The following OXR1 variants were observed in gnomAD, a reference collection of about 807,000 sequenced individuals.
OXR1 encodes oxidation resistance protein 1.
OXR1 carries 41 observed loss-of-function variants against 104.6 expected under a neutral mutation model. The observed-to-expected ratio is 0.39, with a 90% confidence interval of 0.31 to 0.51. The LOEUF is 0.51. Among genes scored for constraint, OXR1 ranks in the 20% least tolerant of loss-of-function variants. OXR1 has a pLI of 0.77. For missense variants in OXR1, 955 were observed against 1,031.9 expected (o/e 0.93, Z 1.02); for synonymous variants, 348 against 348.4 (o/e 1.00, Z 0.01).
rs376097009 is a variant in OXR1 at position 106,317,641 on chromosome 8, G to C, written c.-138-41835G>C. On this transcript the variant is annotated intron_variant, in intron 1 of 16. Coordinates refer to ENST00000517566, the MANE Select transcript of OXR1 (RefSeq NM_001198533.2). Reference sequence around the variant, plus strand: ...GATCAAGGTGCTCAAAAACAGGGGGGCCCCTCTCCCATTACACAGCACAGT... The same window carrying C: ...GATCAAGGTGCTCAAAAACAGGGGGCCCCCTCTCCCATTACACAGCACAGT... Among the ~76,000 whole-genome samples, 511 of 152,128 alleles carry C rather than the reference G, an allele frequency of 3.4e-3. 3 individuals are homozygous for C. The highest frequency in any genetic ancestry group is 0.012 in the African/African-American group (493 of 41,514).
intron 3 of OXR1, among the ~76,000 whole-genome samples, chr8:106,559,482 T>G (rs1816520858): frequency 6.6e-6 from 1 of 152,208 alleles, no homozygotes; most frequent in Non-Finnish European, 1.5e-5. Context: ...TTTTAGGTAT[T>G]TGTTACAGTA....
intron 1 of OXR1, among the ~76,000 whole-genome samples, chr8:106,347,510 T>A (rs548946122): frequency 6.6e-6 from 1 of 152,318 alleles, no homozygotes; most frequent in African/African-American, 2.4e-5. Flanking sequence ...CTTTATAACA[T>A]AGCAATTCAA....
chr8:106,725,164 G>A (rs1269608563), intron 11 of OXR1, among the ~76,000 whole-genome samples: 3 of 152,104 alleles, frequency 2.0e-5, no homozygotes, highest in South Asian at 2.1e-4. Flanking sequence ...GAGGAATAGG[G>A]GAAATGGTTG....
chr8:106,562,658 C>G (rs537754311), intron 3 of OXR1, among the ~76,000 whole-genome samples: 1 of 152,158 alleles, frequency 6.6e-6, no homozygotes, highest in African/African-American at 2.4e-5. Flanking sequence ...AACCCCAAGA[C>G]AAATAATTGT....
chr8:106,611,870 A>G (rs191409586), intron 3 of OXR1, among the ~76,000 whole-genome samples: 20 of 152,340 alleles, frequency 1.3e-4, no homozygotes, highest in Admixed American at 7.8e-4. Flanking sequence ...TTTTCGGCAC[A>G]GTGGCCTAAA....
intron 2 of OXR1, among the ~76,000 whole-genome samples, chr8:106,415,815 C>A (rs1352787318): frequency 6.6e-6 from 1 of 151,962 alleles, no homozygotes; most frequent in Non-Finnish European, 1.5e-5. Flanking sequence ...CTTCCTTTTT[C>A]CTTTTAACTA....
intron 1 of OXR1, among the ~76,000 whole-genome samples, chr8:106,338,565 A>G (rs1300665529): frequency 1.4e-5 from 2 of 139,248 alleles, no homozygotes; most frequent in African/African-American, 2.6e-5. Flanking sequence ...TCTGTCTCAG[A>G]AAAAAAAAAA....
intron 2 of OXR1, among the ~76,000 whole-genome samples, chr8:106,446,344 G>T (rs1239017674): frequency 6.6e-6 from 1 of 152,170 alleles, no homozygotes; most frequent in African/African-American, 2.4e-5. Flanking sequence ...TTGAGGCCGG[G>T]TGCCGTGGCT....
intron 3 of OXR1, among the ~76,000 whole-genome samples, chr8:106,546,313 C>G (rs1257732481): frequency 1.3e-5 from 2 of 152,324 alleles, no homozygotes; most frequent in Non-Finnish European, 2.9e-5. Context: ...AAACTGTGCT[C>G]ACTTTGGGGA....
intron 2 of OXR1, among the ~76,000 whole-genome samples, chr8:106,406,307 A>C (rs550509873): frequency 6.6e-6 from 1 of 152,268 alleles, no homozygotes; most frequent in East Asian, 1.9e-4. Context: ...CTTATTTTTT[A>C]ATTAAAAAAT....
chr8:106,720,396 G>T (rs1474659316), intron 11 of OXR1, among the ~76,000 whole-genome samples: 1 of 152,038 alleles, frequency 6.6e-6, no homozygotes, highest in East Asian at 1.9e-4. Context: ...ACAACTTCAG[G>T]TGTTGTGTTA....
At chr8:106,733,247 T>G (rs976101289) in intron 11 of OXR1, among the ~76,000 whole-genome samples, 1 of 152,140 alleles carries the variant, frequency 6.6e-6, no homozygotes, top group Non-Finnish European at 1.5e-5. Context: ...TTATCTAGAT[T>G]ATCAAATTAG....
At position 106,597,808 on chromosome 8, in the gene OXR1, G is replaced by A. The variant is rs571091143; in HGVS notation, c.220+78669G>A. Among the ~76,000 whole-genome samples, 215 of 152,182 alleles carry A rather than the reference G, an allele frequency of 1.4e-3. 2 individuals carry two copies. Among genetic ancestry groups the A allele is most frequent in the African/African-American group, 4.8e-3 (198 of 41,530 alleles). ...GATCACTATTCACAAGGCCCTTCACGATCTGGCTTCTGCTTCATTTCCACA... is the reference window on the plus strand; with the variant it reads ...GATCACTATTCACAAGGCCCTTCACAATCTGGCTTCTGCTTCATTTCCACA... On this transcript the variant is annotated intron_variant, in intron 3 of 16. Coordinates refer to ENST00000517566, the MANE Select transcript of OXR1 (RefSeq NM_001198533.2).
chr8:106,615,159 G>C (rs1346376099), intron 3 of OXR1, among the ~76,000 whole-genome samples: 1 of 152,020 alleles, frequency 6.6e-6, no homozygotes, highest in Admixed American at 6.6e-5. Flanking sequence ...GCCAGGCGCG[G>C]TGGCTCGTGC....
At chr8:106,619,809 C>T (rs1179294636) in intron 3 of OXR1, among the ~76,000 whole-genome samples, 2 of 152,186 alleles carry the variant, frequency 1.3e-5, no homozygotes, top group East Asian at 1.9e-4. Context: ...GGAGATTTGG[C>T]GTGAGCAGGA....
intron 2 of OXR1, among the ~76,000 whole-genome samples, chr8:106,482,780 G>T (rs1223420363): frequency 6.6e-6 from 1 of 151,832 alleles, no homozygotes; most frequent in African/African-American, 2.4e-5. Flanking sequence ...ATTAAGTATG[G>T]ACCATCTGTT....
chr8:106,469,557 TTAG>T (rs1477830466), intron 2 of OXR1, among the ~76,000 whole-genome samples: 1 of 151,824 alleles, frequency 6.6e-6, no homozygotes, highest in Non-Finnish European at 1.5e-5. Flanking sequence ...GTGTTGGCTG[TTAG>T]TAGACTTGAA....
chr8:106,418,152 A>C (rs1280481347), intron 2 of OXR1, among the ~76,000 whole-genome samples: 3 of 152,170 alleles, frequency 2.0e-5, no homozygotes, highest in African/African-American at 7.2e-5. Flanking sequence ...AAGACATTAA[A>C]TCACTGAAGA....
chr8:106,290,011 C>T (rs1355240843), intron 1 of OXR1, among the ~76,000 whole-genome samples: 1 of 152,128 alleles, frequency 6.6e-6, no homozygotes, highest in Non-Finnish European at 1.5e-5. Context: ...GAGGCCTTCC[C>T]AGCCCTGCAG....
Sources: allele counts gnomAD v4.1 joint callset (sites outside exome capture counted in the v4.1 genomes callset), GRCh38; gene constraint gnomAD v4.1.1; transcripts MANE v1.5; gene names NCBI Gene and HGNC (gene_info 2026-07-23, HGNC 2026-07-21).